RTF1: variants seen among roughly 807,000 people sequenced by gnomAD.
RTF1 encodes RTF1 homolog, Paf1/RNA polymerase II complex component, also known as RNA polymerase-associated protein RTF1 homolog.
Under a neutral mutation model 95.7 loss-of-function variants are expected in RTF1, and 10 were observed. That is an observed-to-expected ratio of 0.10 (90% CI 0.06 to 0.18). The LOEUF is 0.18. Ranked by LOEUF, RTF1 falls within the 10% of genes least tolerant of loss-of-function variation. RTF1 has a pLI of 1.00. For missense variants in RTF1, 458 were observed against 875.6 expected, an observed-to-expected ratio of 0.52 and a Z score of 6.02; for synonymous variants, 305 against 311.8, an observed-to-expected ratio of 0.98 and a Z score of 0.23.
chr15:41,433,221 C>T (rs73407125), intron 1 of RTF1, among the ~76,000 whole-genome samples: 5,948 of 152,092 alleles, frequency 0.039, 373 homozygotes, highest in African/African-American at 0.14. Context: ...ATACTCCAGC[C>T]TGGGAGACAT....
chr15:41,449,617 A>G (rs1210033808), intron 2 of RTF1, among the ~76,000 whole-genome samples: 1 of 151,864 alleles, frequency 6.6e-6, no homozygotes, highest in Non-Finnish European at 1.5e-5. Context: ...TGCTGGGATT[A>G]TAGGTGTGAG....
In RTF1 at chr15:41,481,847, AGGC is replaced by A. The variant is rs2050977110; in HGVS notation, c.*1163_*1165del. On this transcript the variant is annotated 3_prime_UTR_variant, in exon 18 of 18. Coordinates refer to ENST00000389629, the MANE Select transcript of RTF1 (RefSeq NM_015138.5). Reference sequence around the variant, plus strand: ...GTAATCCCAGCACTTTGGGAGGCCTAGGCGGGTGGATCACCTGAGGTCAGGAGT... The same window carrying A: ...GTAATCCCAGCACTTTGGGAGGCCTAGGGTGGATCACCTGAGGTCAGGAGT... The A allele has an allele frequency of 6.6e-6, 1 of 152,372 alleles. No individual in the cohort carries two copies. Among genetic ancestry groups the A allele is most frequent in the African/African-American group, 2.4e-5 (1 of 41,464 alleles). The allele number at this position is 152,372 out of a possible 1,614,324, so 9.4% of individuals were successfully genotyped here. A position where few individuals can be genotyped will look rare whatever the true frequency, so the allele number is the denominator to read the frequency against.
chr15:41,433,197 G>A (rs565510910), intron 1 of RTF1, among the ~76,000 whole-genome samples: 8 of 151,986 alleles, frequency 5.3e-5, no homozygotes, highest in African/African-American at 1.7e-4. Flanking sequence ...GCTGTGAGCC[G>A]AGATCACTCC....
chr15:41,482,213 G>A lies in RTF1; in HGVS notation c.*1526G>A, dbSNP rs2050980425. On this transcript the variant is annotated 3_prime_UTR_variant, in exon 18 of 18. Coordinates refer to ENST00000389629, the MANE Select transcript of RTF1 (RefSeq NM_015138.5). ...GTGTGTATGTCTTTATGAAATGTTT[G>A]AAAAGAGATAAACTGACTGCTTGAT... is the stretch of plus-strand genomic sequence containing the variant. 1 of 152,662 alleles carries A rather than the reference G, an allele frequency of 6.6e-6. No individual in the cohort carries two copies. The highest frequency in any genetic ancestry group is 1.5e-5 in the Non-Finnish European group (1 of 68,048). 9.5% of individuals were successfully genotyped at this position (152,662 alleles called of 1,614,324 possible).
chr15:41,442,299 C>T (rs1348892332), intron 2 of RTF1, among the ~76,000 whole-genome samples: 3 of 151,702 alleles, frequency 2.0e-5, no homozygotes, highest in Non-Finnish European at 2.9e-5. Context: ...TCCCGAGCAG[C>T]TGGGACTACA....
At chr15:41,442,614 G>T (rs1328868004) in intron 2 of RTF1, among the ~76,000 whole-genome samples, 1 of 152,066 alleles carries the variant, frequency 6.6e-6, no homozygotes, top group Non-Finnish European at 1.5e-5. Flanking sequence ...GGCCAGGCAT[G>T]GTGGCTCACA....
At chr15:41,452,797 A>G in intron 2 of RTF1, 104 bp from the exon 3 acceptor site, 1 of 884,204 alleles carries the variant, frequency 1.1e-6, no homozygotes, top group Non-Finnish European at 1.6e-6. Flanking sequence ...TTTGTTTTGG[A>G]TTCAAAGATG....
At chr15:41,438,529 C>T in intron 2 of RTF1, 98 bp downstream of exon 2, 2 of 711,348 alleles carry the variant, frequency 2.8e-6, no homozygotes, top group Non-Finnish European at 4.6e-6. Flanking sequence ...TGGAGACTTA[C>T]AGCCTAAGAT....
chr15:41,460,870 CTTTT>C (rs1053806833), intron 4 of RTF1, among the ~76,000 whole-genome samples: 1 of 147,174 alleles, frequency 6.8e-6, no homozygotes, highest in African/African-American at 2.5e-5. Flanking sequence ...AATATTTTTT[CTTTT>C]TTTTCTTTTT....
chr15:41,476,937 AC>A (rs1376056285), intron 12 of RTF1, among the ~76,000 whole-genome samples: 1 of 152,204 alleles, frequency 6.6e-6, no homozygotes, highest in African/African-American at 2.4e-5. Context: ...GCCACCAGGG[AC>A]CCACAGCCAG....
intron 14 of RTF1, among the ~76,000 whole-genome samples, chr15:41,477,860 C>G (rs2050949689): frequency 6.6e-6 from 1 of 152,090 alleles, no homozygotes; most frequent in African/African-American, 2.4e-5. Context: ...AATCCCAGCA[C>G]TTTGGGAGGC....
intron 1 of RTF1, among the ~76,000 whole-genome samples, chr15:41,420,765 C>T (rs1261687886): frequency 6.6e-6 from 1 of 152,058 alleles, no homozygotes; most frequent in Admixed American, 6.6e-5. Context: ...ACCTCTGTGT[C>T]AGAAGCCACC....
rs760804772 is a variant in RTF1, at chr15:41,480,236, T to C, written c.1937T>C (p.Leu646Ser). Reference sequence around the variant, plus strand: ...CAGGGTCAAGGCAAAGATAAAGATTTGAATTCTAAGTCAGCCAGTGACCTC... The same window carrying C: ...CAGGGTCAAGGCAAAGATAAAGATTCGAATTCTAAGTCAGCCAGTGACCTC... Reference protein sequence around the residue: ...MSKGQGKDKDLNSKSASDLSE... With the variant: ...MSKGQGKDKDSNSKSASDLSE... Residue 646 changes from leucine to serine, a missense_variant, in exon 17 of 18, where the codon TTG (leucine) becomes TCG (serine). Leu to Ser is a moderately radical substitution (Grantham distance 145). This residue lies in a region of RTF1 where 50 missense variants were observed against 100.0 expected (regional missense o/e 0.50). Transcript: ENST00000389629. The C allele has an allele frequency of 6.2e-7, 1 of 1,613,012 alleles. No homozygotes were observed. Among genetic ancestry groups the C allele is most frequent in the Non-Finnish European group, 8.5e-7 (1 of 1,178,952 alleles).
chr15:41,458,964 C>T (rs992639280), intron 4 of RTF1, among the ~76,000 whole-genome samples: 6 of 151,980 alleles, frequency 3.9e-5, no homozygotes, highest in Non-Finnish European at 8.8e-5. Context: ...CCCAGCTATT[C>T]GGGATCCTGA....
intron 4 of RTF1, among the ~76,000 whole-genome samples, chr15:41,458,407 G>A (rs557843989): frequency 1.1e-4 from 16 of 152,222 alleles, no homozygotes; most frequent in African/African-American, 3.4e-4. Context: ...CATAAAACAC[G>A]CTGTGGCCAT....
chr15:41,442,213 G>C (rs1473759665), intron 2 of RTF1, among the ~76,000 whole-genome samples: 2 of 150,760 alleles, frequency 1.3e-5, no homozygotes, highest in South Asian at 2.1e-4. Context: ...TGTTGCCCAG[G>C]CTGGAGTGCA....
intron 14 of RTF1, 69 bp from the exon 15 acceptor site, chr15:41,478,479 C>T: frequency 8.9e-7 from 1 of 1,124,058 alleles, no homozygotes; most frequent in South Asian, 1.3e-5. Flanking sequence ...ACTTATTTGC[C>T]TGTGAGCTTA....
chr15:41,433,302 C>T (rs1227217046), intron 1 of RTF1, among the ~76,000 whole-genome samples: 1 of 152,024 alleles, frequency 6.6e-6, no homozygotes, highest in Non-Finnish European at 1.5e-5. Context: ...ATTTGTGAAA[C>T]TGAAGGGGTC....
chr15:41,418,845 C>T (rs2050585588), intron 1 of RTF1, among the ~76,000 whole-genome samples: 1 of 150,300 alleles, frequency 6.7e-6, no homozygotes, highest in African/African-American at 2.4e-5. Context: ...AAGGGGAGGA[C>T]TTTTTATTTA....
Sources: allele counts gnomAD v4.1 joint callset (sites outside exome capture counted in the v4.1 genomes callset), GRCh38; gene constraint gnomAD v4.1.1; regional missense constraint gnomAD v4.1.1; transcripts MANE v1.5; gene names NCBI Gene and HGNC (gene_info 2026-07-23, HGNC 2026-07-21).